Variants in TECRL observed in about 807,000 individuals in gnomAD.
TECRL encodes trans-2,3-enoyl-CoA reductase like, also known as trans-2,3-enoyl-CoA reductase-like.
TECRL carries 63 observed loss-of-function variants against 52.8 expected under a neutral mutation model. The ratio of observed to expected loss-of-function variants is 1.19; its 90% CI spans 0.97 to 1.47. The LOEUF is 1.47. Among genes scored for constraint, TECRL ranks in the 40% most tolerant of loss-of-function variants. TECRL has a pLI of 0.00. For synonymous variants in TECRL, 164 were observed against 141.9 expected, an observed-to-expected ratio of 1.16 and a Z score of -1.10; for missense variants, 482 against 429.6, an observed-to-expected ratio of 1.12 and a Z score of -1.08.
chr4:64,310,015 G>T, intron 5 of TECRL, 84 bp from the exon 6 acceptor site: 1 of 748,120 alleles, frequency 1.3e-6, no homozygotes, highest in Non-Finnish European at 2.2e-6. Context: ...AATTTTTTTA[G>T]TTTAATATGC....
rs74393827 is a variant in TECRL, at chr4:64,385,123, C to T, written c.235-9900G>A. 4.1e-3 allele frequency among the ~76,000 whole-genome samples: 623 copies of T among 152,230 alleles called. 3 individuals are homozygous for T. Among genetic ancestry groups the T allele is most frequent in the African/African-American group, 0.015 (606 of 41,556 alleles). Reference sequence around the variant, plus strand: ...GTGGGTCAATCCTCCAGTTCCTGCACAATCCTCATAGAGGCTGGTGGCTCT... The same window carrying T: ...GTGGGTCAATCCTCCAGTTCCTGCATAATCCTCATAGAGGCTGGTGGCTCT... On this transcript the variant is annotated intron_variant, in intron 1 of 11. Coordinates refer to ENST00000381210, the MANE Select transcript of TECRL (RefSeq NM_001010874.5).
chr4:64,381,961 T>C (rs1188837237), intron 1 of TECRL, among the ~76,000 whole-genome samples: 1 of 151,862 alleles, frequency 6.6e-6, no homozygotes, highest in East Asian at 1.9e-4. Context: ...TGGAATGTTA[T>C]GAAGAATTCC....
intron 9 of TECRL, among the ~76,000 whole-genome samples, chr4:64,286,210 A>G (rs928842659): frequency 6.6e-6 from 1 of 152,012 alleles, no homozygotes; most frequent in Non-Finnish European, 1.5e-5. Flanking sequence ...AGAAATCCCA[A>G]AACTGAAAAT....
intron 2 of TECRL, among the ~76,000 whole-genome samples, chr4:64,342,436 T>TGTGA (rs1560513933): frequency 1.3e-5 from 2 of 151,254 alleles, no homozygotes; most frequent in Non-Finnish European, 2.9e-5. Context: ...TATATATATG[T>TGTGA]GTGTGTGTGT....
intron 6 of TECRL, among the ~76,000 whole-genome samples, chr4:64,308,843 G>T (rs1724502085): frequency 6.6e-6 from 1 of 152,086 alleles, no homozygotes; most frequent in Admixed American, 6.6e-5. Flanking sequence ...CAAGTTAACA[G>T]AATATTTTAG....
intron 5 of TECRL, among the ~76,000 whole-genome samples, chr4:64,313,378 G>T (rs1717199005): frequency 6.8e-6 from 1 of 147,044 alleles, no homozygotes; most frequent in African/African-American, 2.5e-5. Flanking sequence ...AATTTAATTT[G>T]GCATATATTT....
intron 5 of TECRL, among the ~76,000 whole-genome samples, 172 bp from the exon 6 acceptor site, chr4:64,310,103 A>G (rs1724582881): frequency 6.6e-6 from 1 of 152,158 alleles, no homozygotes; most frequent in South Asian, 2.1e-4. Flanking sequence ...AATTTTCTAA[A>G]TTTAGTAATA....
At chr4:64,395,904 T>A (rs1403843454) in intron 1 of TECRL, among the ~76,000 whole-genome samples, 1 of 152,152 alleles carries the variant, frequency 6.6e-6, no homozygotes, top group African/African-American at 2.4e-5. Context: ...TAGATCCTAT[T>A]TATAAGTAAG....
intron 2 of TECRL, among the ~76,000 whole-genome samples, chr4:64,366,057 T>C (rs1448172587): frequency 1.3e-5 from 2 of 151,854 alleles, no homozygotes; most frequent in Non-Finnish European, 2.9e-5. Context: ...TGGAACAGAA[T>C]AGGGAGCCCA....
intron 2 of TECRL, among the ~76,000 whole-genome samples, chr4:64,354,199 G>A (rs899545722): frequency 1.3e-5 from 2 of 152,132 alleles, no homozygotes; most frequent in African/African-American, 4.8e-5. Context: ...TCAGTGGTTT[G>A]TAAGTTGGAA....
At chr4:64,296,520 T>C (rs1331673143) in intron 8 of TECRL, among the ~76,000 whole-genome samples, 1 of 151,832 alleles carries the variant, frequency 6.6e-6, no homozygotes, top group Non-Finnish European at 1.5e-5. Context: ...ATATCTTATA[T>C]GCTATTATCA....
intron 2 of TECRL, among the ~76,000 whole-genome samples, chr4:64,356,625 A>G (rs1720792498): frequency 6.6e-6 from 1 of 152,100 alleles, no homozygotes. Context: ...TTTCTCGCTG[A>G]CCTTCTCCCT....
At chr4:64,342,369 T>C (rs1705032506) in intron 2 of TECRL, among the ~76,000 whole-genome samples, 1 of 152,080 alleles carries the variant, frequency 6.6e-6, no homozygotes, top group East Asian at 1.9e-4. Context: ...TGTGATTTTA[T>C]AATATTTAAA....
chr4:64,298,540 A>G (rs959710132), intron 8 of TECRL, among the ~76,000 whole-genome samples: 11 of 151,258 alleles, frequency 7.3e-5, no homozygotes, highest in African/African-American at 2.4e-4. Context: ...AATAAAAGAA[A>G]TGACTTATTA....
intron 4 of TECRL, among the ~76,000 whole-genome samples, chr4:64,318,507 AAAGC>A (rs1221121370): frequency 5.3e-5 from 8 of 152,068 alleles, no homozygotes; most frequent in Non-Finnish European, 7.4e-5. Context: ...AGATAAAACT[AAAGC>A]AAGGTAAATA....
intron 1 of TECRL, among the ~76,000 whole-genome samples, chr4:64,407,588 T>C (rs369608239): frequency 3.3e-5 from 5 of 151,872 alleles, no homozygotes; most frequent in African/African-American, 9.6e-5. Flanking sequence ...TCTATACACC[T>C]GTCAGAAAGG....
At chr4:64,295,688 T>G (rs1026037638) in intron 8 of TECRL, among the ~76,000 whole-genome samples, 14 of 151,892 alleles carry the variant, frequency 9.2e-5, no homozygotes, top group African/African-American at 3.4e-4. Flanking sequence ...AGATTCGATA[T>G]CACATATTCT....
At chr4:64,313,174 T>G (rs1323085575) in intron 5 of TECRL, among the ~76,000 whole-genome samples, 1 of 152,150 alleles carries the variant, frequency 6.6e-6, no homozygotes. Context: ...AGGCAAAACT[T>G]GATTCGAGGT....
chr4:64,322,242 A>G (rs1323474632), intron 4 of TECRL, among the ~76,000 whole-genome samples: 3 of 152,152 alleles, frequency 2.0e-5, no homozygotes, highest in Admixed American at 1.3e-4. Context: ...CTTCCCTGCT[A>G]TATAAACCCC....
Sources: gnomAD v4.1 joint callset for allele counts (sites outside exome capture counted in the v4.1 genomes callset) on GRCh38, gnomAD v4.1.1 for gene constraint, MANE v1.5 for transcripts, NCBI Gene and HGNC (gene_info 2026-07-23, HGNC 2026-07-21) for gene names.